The following COL23A1 variants were observed in gnomAD, a reference collection of about 807,000 sequenced individuals.
The protein encoded by COL23A1 is collagen type XXIII alpha 1 chain.
COL23A1 carries 97 observed loss-of-function variants against 99.3 expected under a neutral mutation model. The observed-to-expected ratio is 0.98, with a 90% CI of 0.83 to 1.16. The LOEUF (loss-of-function observed/expected upper bound fraction) is 1.16, where lower values mean the gene tolerates loss of function less well. Ranked by LOEUF, COL23A1 falls within the 50% of genes most tolerant of loss-of-function variation. The pLI is 0.00. For missense variants in COL23A1, 762 were observed against 757.4 expected (o/e 1.01, Z -0.07); for synonymous variants, 320 against 308.2 (o/e 1.04, Z -0.40).
intron 2 of COL23A1, among the ~76,000 whole-genome samples, chr5:178,330,426 C>T (rs180990337): frequency 1.3e-5 from 2 of 152,242 alleles, no homozygotes; most frequent in Non-Finnish European, 2.9e-5. Flanking sequence ...CAGGCCGAGG[C>T]GGGAGGATGA....
chr5:178,356,374 G>A (rs1035189481), intron 2 of COL23A1, among the ~76,000 whole-genome samples: 6 of 85,870 alleles, frequency 7.0e-5, no homozygotes, highest in Non-Finnish European at 1.5e-4. Flanking sequence ...CAATAAAGCT[G>A]TTATGAAAAA....
At chr5:178,302,045 C>T (rs1294861167) in intron 3 of COL23A1, among the ~76,000 whole-genome samples, 1 of 142,606 alleles carries the variant, frequency 7.0e-6, no homozygotes, top group Non-Finnish European at 1.5e-5. Flanking sequence ...TGCTGGAGCA[C>T]GGCTTCAATG....
At position 178,387,528 on chromosome 5, in the gene COL23A1, A is replaced by G. The variant is rs1334611624; in HGVS notation, c.362-80609T>C. ...GGCAGGGTCGGGAACTGCCTGCTGC[A>G]TCTGGGTATGCTCTGCACACTGCTC... On this transcript the variant is annotated intron_variant, in intron 2 of 28. Transcript: ENST00000390654. This position sits in a 1 kb window ranked among gnomAD's most constrained non-coding sequence, Gnocchi z 4.7. 6.6e-6 allele frequency among the ~76,000 whole-genome samples: 1 copy of G among 152,168 alleles called. No individual in the cohort carries two copies. Among genetic ancestry groups the G allele is most frequent in the Non-Finnish European group, 1.5e-5 (1 of 68,032 alleles).
chr5:178,352,462 G>A (rs564713852), intron 2 of COL23A1, among the ~76,000 whole-genome samples: 17 of 152,366 alleles, frequency 1.1e-4, no homozygotes, highest in African/African-American at 3.4e-4. Context: ...GACCTTAGGT[G>A]TTTAGAGCAA....
At chr5:178,470,734 G>C (rs1329121650) in intron 2 of COL23A1, among the ~76,000 whole-genome samples, 2 of 152,140 alleles carry the variant, frequency 1.3e-5, no homozygotes, top group African/African-American at 2.4e-5. Context: ...AAGCATCAAG[G>C]CTCCCACAGA....
intron 2 of COL23A1, among the ~76,000 whole-genome samples, chr5:178,513,847 T>C (rs891839345): frequency 4.3e-5 from 6 of 140,774 alleles, no homozygotes; most frequent in Admixed American, 1.5e-4. Flanking sequence ...ACTTTTTCCA[T>C]CATCTTCTGC....
At chr5:178,277,200 TAAAAAAA>T (rs61628732) in intron 5 of COL23A1, among the ~76,000 whole-genome samples, 1 of 137,614 alleles carries the variant, frequency 7.3e-6, no homozygotes, top group Non-Finnish European at 1.6e-5. Flanking sequence ...ACCTCATCTC[TAAAAAAA>T]AAAAAAAAAA....
intron 2 of COL23A1, among the ~76,000 whole-genome samples, chr5:178,476,648 G>T (rs1325561479): frequency 6.6e-6 from 1 of 152,204 alleles, no homozygotes; most frequent in Non-Finnish European, 1.5e-5. Context: ...CCACTGTGGC[G>T]CTGTAACCAG....
intron 2 of COL23A1, among the ~76,000 whole-genome samples, chr5:178,452,238 C>G (rs1767530423): frequency 6.6e-6 from 1 of 152,140 alleles, no homozygotes; most frequent in African/African-American, 2.4e-5. Context: ...GAAGGTGATA[C>G]TGCAAACTAA....
At chr5:178,277,475 G>A (rs1756654036) in intron 5 of COL23A1, among the ~76,000 whole-genome samples, 1 of 152,246 alleles carries the variant, frequency 6.6e-6, no homozygotes, top group Non-Finnish European at 1.5e-5. Flanking sequence ...AAAGCCGGGA[G>A]ATCTCGCAGA....
intron 2 of COL23A1, among the ~76,000 whole-genome samples, chr5:178,488,750 A>G (rs761960591): frequency 6.6e-6 from 1 of 152,122 alleles, no homozygotes; most frequent in Non-Finnish European, 1.5e-5. Flanking sequence ...TATACATTCA[A>G]TGAATGTAAA....
In COL23A1 at chr5:178,267,396, C is replaced by T. The variant is rs367989986; in HGVS notation, c.496-63G>A. 8.3e-4 allele frequency: 1,287 copies of T among 1,556,066 alleles called. 3 individuals are homozygous for T. Among genetic ancestry groups the T allele is most frequent in the Non-Finnish European group, 8.0e-4 (906 of 1,136,418 alleles). Reference sequence around the variant, plus strand: ...TTCATCGTTTCTTCACATTTCCCGTCGGGCATCTGTGCCCAGTGCTTCATA... The same window carrying T: ...TTCATCGTTTCTTCACATTTCCCGTTGGGCATCTGTGCCCAGTGCTTCATA... On this transcript the variant is annotated intron_variant, in intron 7 of 28. Coordinates refer to ENST00000390654, the MANE Select transcript of COL23A1 (RefSeq NM_173465.4).
intron 2 of COL23A1, among the ~76,000 whole-genome samples, chr5:178,498,498 A>G (rs1032294311): frequency 2.0e-5 from 3 of 151,754 alleles, no homozygotes; most frequent in Non-Finnish European, 4.4e-5. Context: ...TCAATAAAAA[A>G]TGAGAAAAAT....
intron 2 of COL23A1, among the ~76,000 whole-genome samples, chr5:178,543,241 G>A (rs1761393734): frequency 6.6e-6 from 1 of 151,972 alleles, no homozygotes; most frequent in African/African-American, 2.4e-5. Context: ...CCGGGTAGCT[G>A]GAACTACAGG....
intron 2 of COL23A1, among the ~76,000 whole-genome samples, chr5:178,320,532 GC>G (rs1759236830): frequency 6.6e-6 from 1 of 152,234 alleles, no homozygotes; most frequent in African/African-American, 2.4e-5. Context: ...TGAGGAAGCC[GC>G]GCCAGCTGTG....
At chr5:178,389,701 C>T (rs1763863324) in intron 2 of COL23A1, among the ~76,000 whole-genome samples, 2 of 152,206 alleles carry the variant, frequency 1.3e-5, no homozygotes, top group Non-Finnish European at 2.9e-5. Flanking sequence ...TGGCCTCCTC[C>T]AGAGGTGTTT....
intron 5 of COL23A1, among the ~76,000 whole-genome samples, chr5:178,275,197 T>C (rs1296899111): frequency 6.6e-6 from 1 of 152,178 alleles, no homozygotes. Context: ...AACAACAAGT[T>C]CAAATTGGGT....
rs201371950 is a variant in COL23A1 at position 178,560,768 on chromosome 5, A to T, written c.295-20T>A. On this transcript the variant is annotated intron_variant, in intron 1 of 28. Coordinates refer to ENST00000390654, the MANE Select transcript of COL23A1 (RefSeq NM_173465.4). ...CAACTTCTGAGCCGGAAAAAAAAAAAGAAAAAAAACGAGGAGAGAATGAGT... is the reference window on the plus strand; with the variant it reads ...CAACTTCTGAGCCGGAAAAAAAAAATGAAAAAAAACGAGGAGAGAATGAGT... The T allele has an allele frequency of 3.1e-6, 5 of 1,595,296 alleles. No homozygotes were observed. In the South Asian group the frequency reaches 4.6e-5, roughly 15 times the overall value.
chr5:178,498,231 T>TAC lies in COL23A1; in HGVS notation c.361+62450_361+62451insGT, dbSNP rs1292875702. On this transcript the variant is annotated intron_variant, in intron 2 of 28. Transcript: ENST00000390654. ...ATATATATATATATATATATATATATATATATATATATATATATATATATA... is the reference window on the plus strand; with the variant it reads ...ATATATATATATATATATATATATATACATATATATATATATATATATATATA... Among the ~76,000 whole-genome samples, 32 of 54,840 alleles carry TAC rather than the reference T, an allele frequency of 5.8e-4. 1 individual carries two copies. The highest frequency in any genetic ancestry group is 3.8e-3 in the African/African-American group (30 of 7,828). The allele number at this position is 54,840 out of a possible 152,430, so 36.0% of individuals were successfully genotyped here.
Sources: gnomAD v4.1 joint callset for allele counts (sites outside exome capture counted in the v4.1 genomes callset) on GRCh38, gnomAD v4.1.1 for gene constraint, Gnocchi (gnomAD v3.1) non-coding constraint, MANE v1.5 for transcripts, NCBI Gene and HGNC (gene_info 2026-07-23, HGNC 2026-07-21) for gene names.